The following SATB2 variants were observed in gnomAD, a reference collection of about 807,000 sequenced individuals.
SATB2 encodes the protein DNA-binding protein SATB2.
A neutral mutation model predicts 73.4 loss-of-function variants in SATB2; 1 was observed. That is an observed-to-expected ratio of 0.01 (90% CI 0.00 to 0.06). The LOEUF is 0.06. Among genes scored for constraint, SATB2 ranks in the 10% least tolerant of loss-of-function variants. The probability of loss-of-function intolerance (pLI) is 1.00; values close to 1 mark genes in which losing one functional copy is unlikely to be tolerated. For synonymous variants in SATB2, 397 were observed against 367.0 expected, an observed-to-expected ratio of 1.08 and a Z score of -0.93; for missense variants, 459 against 945.8, an observed-to-expected ratio of 0.49 and a Z score of 6.75.
chr2:199,451,886 T>C (rs1388778235), intron 2 of SATB2, among the ~76,000 whole-genome samples: 1 of 152,102 alleles, frequency 6.6e-6, no homozygotes, highest in African/African-American at 2.4e-5. Flanking sequence ...AAGACAGTTA[T>C]GTTCTTGAAA....
At chr2:199,467,646 T>G (rs1173518026), upstream of SATB2, 1 of 152,414 alleles carries the variant, frequency 6.6e-6, no homozygotes, top group Admixed American at 6.5e-5. Flanking sequence ...CACACTAGTC[T>G]TGCCTTCTCC....
At chr2:199,449,322 GT>G (rs1382240612) in intron 2 of SATB2, among the ~76,000 whole-genome samples, 3 of 152,114 alleles carry the variant, frequency 2.0e-5, no homozygotes, top group South Asian at 2.1e-4. Context: ...AATTTCTGAT[GT>G]AGCCTTTCAG....
At chr2:199,360,198 C>T (rs1214900168) in intron 6 of SATB2, among the ~76,000 whole-genome samples, 1 of 152,166 alleles carries the variant, frequency 6.6e-6, no homozygotes, top group East Asian at 1.9e-4. Context: ...GAGGATGTCC[C>T]CACAATCATC....
intron 3 of SATB2, among the ~76,000 whole-genome samples, chr2:199,391,164 G>C (rs1027540477): frequency 2.0e-4 from 30 of 152,022 alleles, no homozygotes; most frequent in Non-Finnish European, 2.6e-4. Flanking sequence ...GAATATTTTA[G>C]GCCGGGCGCG....
intron 3 of SATB2, among the ~76,000 whole-genome samples, chr2:199,386,716 G>GCA (rs61568459): frequency 3.8e-3 from 35 of 9,266 alleles, no homozygotes; most frequent in African/African-American, 5.3e-3. Context: ...GCGCGCGCGC[G>GCA]CACACACACA....
Position 199,348,920 on chromosome 2 carries a change from G to A in SATB2, c.954C>T (p.Asn318=). 1 of 1,614,164 alleles carries A rather than the reference G, an allele frequency of 6.2e-7. No individual in the cohort carries two copies. The highest frequency in any genetic ancestry group is 2.2e-5 in the East Asian group (1 of 44,878). The change falls in exon 7 of 11, where the codon AAC becomes AAT. Residue 318 remains asparagine (N), a synonymous_variant. Coordinates refer to ENST00000417098, the MANE Select transcript of SATB2 (RefSeq NM_001172509.2). ...RQQIAMAHLI[N]QQIAVSRLLA... is the part of the protein sequence containing the mutation. ...GGAGCCGGCTAACGGCAATCTGTTG[G>A]TTTATCAGATGGGCCATGGCTATTT... is the stretch of plus-strand genomic sequence containing the variant.
intron 9 of SATB2, among the ~76,000 whole-genome samples, chr2:199,321,509 T>C (rs11694834): frequency 0.6 from 89,659 of 150,658 alleles, 29,042 homozygotes; most frequent in Non-Finnish European, 0.72. Context: ...TACACATACA[T>C]GTATATACAC....
upstream of SATB2, chr2:199,467,623 GCAC>G (rs1692619118): frequency 6.6e-6 from 1 of 152,298 alleles, no homozygotes; most frequent in East Asian, 1.9e-4. Flanking sequence ...CAGCCCAGCT[GCAC>G]CCACTAGCAC....
chr2:199,314,122 T>G (rs764929317), intron 9 of SATB2, among the ~76,000 whole-genome samples: 21 of 152,142 alleles, frequency 1.4e-4, no homozygotes, highest in Non-Finnish European at 2.5e-4. Flanking sequence ...TTGATCATTA[T>G]TATTTTTAGG....
At chr2:199,299,236 A>C (rs1477335787) in intron 10 of SATB2, among the ~76,000 whole-genome samples, 2 of 152,198 alleles carry the variant, frequency 1.3e-5, no homozygotes, top group Non-Finnish European at 2.9e-5. Flanking sequence ...GTTTTCCATC[A>C]AAACTATTTT....
At chr2:199,313,296 TG>T (rs1284890817) in intron 9 of SATB2, among the ~76,000 whole-genome samples, 1 of 152,168 alleles carries the variant, frequency 6.6e-6, no homozygotes, top group Non-Finnish European at 1.5e-5. Context: ...AGGAAATTCC[TG>T]GAACTTATAG....
chr2:199,390,957 C>T (rs1269581384), intron 3 of SATB2, among the ~76,000 whole-genome samples: 1 of 152,124 alleles, frequency 6.6e-6, no homozygotes, highest in African/African-American at 2.4e-5. Flanking sequence ...TCAAAGAAAA[C>T]GTCACCATAT....
intron 9 of SATB2, among the ~76,000 whole-genome samples, chr2:199,319,039 A>G (rs1012929644): frequency 1.3e-5 from 2 of 151,702 alleles, no homozygotes; most frequent in Non-Finnish European, 2.9e-5. Context: ...GCTAAGGCAT[A>G]AAGGTCAGTA....
intron 3 of SATB2, among the ~76,000 whole-genome samples, chr2:199,429,020 A>AAAG (rs1157213815): frequency 6.6e-6 from 1 of 151,406 alleles, no homozygotes; most frequent in Non-Finnish European, 1.5e-5. Flanking sequence ...AAAAAAAAAA[A>AAAG]AAAGAAAGAA....
intron 6 of SATB2, among the ~76,000 whole-genome samples, chr2:199,359,241 G>A (rs76950775): frequency 0.026 from 3,971 of 152,110 alleles, 70 homozygotes; most frequent in Non-Finnish European, 0.04. Flanking sequence ...GATTTTATAG[G>A]ACTTTGATGT....
chr2:199,323,631 T>C (rs1319796602), intron 9 of SATB2, among the ~76,000 whole-genome samples, 172 bp downstream of exon 9: 1 of 152,052 alleles, frequency 6.6e-6, no homozygotes, highest in Non-Finnish European at 1.5e-5. Context: ...TTCATCTCTA[T>C]TTTGAACTCC....
intron 5 of SATB2, among the ~76,000 whole-genome samples, chr2:199,375,301 G>A (rs987103908): frequency 6.6e-6 from 1 of 152,164 alleles, no homozygotes; most frequent in Non-Finnish European, 1.5e-5. Flanking sequence ...GAGGAAAGAG[G>A]CTGCAAGTGG....
At chr2:199,410,591 C>T (rs1462430574) in intron 3 of SATB2, among the ~76,000 whole-genome samples, 2 of 152,204 alleles carry the variant, frequency 1.3e-5, no homozygotes, top group Non-Finnish European at 2.9e-5. Context: ...AATCTCCAAT[C>T]TTGAGGTGAG....
In SATB2 at chr2:199,351,029, C is replaced by CAA. The variant is rs35503848; in HGVS notation, c.701-1858_701-1857dup. ...TGAGTGACGAGCGAGACTCTGTCTC[C>CAA]AAAAAAAAAAAAAAAAAAAGAAAAC... On this transcript the variant is annotated intron_variant, in intron 6 of 10. Coordinates refer to ENST00000417098, the MANE Select transcript of SATB2 (RefSeq NM_001172509.2). 3.8e-3 allele frequency among the ~76,000 whole-genome samples: 271 copies of CAA among 71,636 alleles called. 2 individuals carry two copies. Among genetic ancestry groups the CAA allele is most frequent in the African/African-American group, 9.1e-3 (190 of 20,916 alleles). 47.0% of individuals were successfully genotyped at this position (71,636 alleles called of 152,430 possible).
Sources: gnomAD v4.1 joint callset for allele counts (sites outside exome capture counted in the v4.1 genomes callset) on GRCh38, gnomAD v4.1.1 for gene constraint, MANE v1.5 for transcripts, NCBI Gene and HGNC (gene_info 2026-07-23, HGNC 2026-07-21) for gene names.